The following FGF12 variants were observed in gnomAD, a reference collection of about 807,000 sequenced individuals.
FGF12 encodes fibroblast growth factor 12B.
In FGF12, 14 loss-of-function variants were observed where a neutral mutation model predicts 23.6. The observed-to-expected ratio is 0.59, with a 90% CI of 0.39 to 0.93. FGF12 has a LOEUF of 0.93. Ranked by LOEUF, FGF12 falls within the 40% of genes least tolerant of loss-of-function variation. The pLI is 0.00. For synonymous variants in FGF12, 62 were observed against 77.3 expected (o/e 0.80, Z 1.04); for missense variants, 175 against 217.8 (o/e 0.80, Z 1.24).
chr3:192,524,755 A>G (rs940981869), intron 2 of FGF12, among the ~76,000 whole-genome samples: 8 of 152,180 alleles, frequency 5.3e-5, no homozygotes, highest in African/African-American at 1.7e-4. Context: ...TTATTTTTCT[A>G]TCCTCTCTTT....
At chr3:192,664,131 G>C (rs907811944) in intron 2 of FGF12, among the ~76,000 whole-genome samples, 1 of 152,176 alleles carries the variant, frequency 6.6e-6, no homozygotes, top group Non-Finnish European at 1.5e-5. Context: ...AAGCAATGTG[G>C]TCCTCGTTGT....
At chr3:192,379,528 A>G (rs1311575763) in intron 2 of FGF12, among the ~76,000 whole-genome samples, 1 of 152,228 alleles carries the variant, frequency 6.6e-6, no homozygotes, top group Non-Finnish European at 1.5e-5. Context: ...GGACACTAAA[A>G]GAGCTCTCAA....
chr3:192,264,594 T>G (rs552143097), intron 4 of FGF12, among the ~76,000 whole-genome samples: 6 of 152,212 alleles, frequency 3.9e-5, no homozygotes, highest in African/African-American at 1.4e-4. Context: ...AAGTAGCTAT[T>G]ATTACCCCCA....
chr3:192,334,585 C>G (rs562233130), intron 4 of FGF12, among the ~76,000 whole-genome samples: 3 of 152,150 alleles, frequency 2.0e-5, no homozygotes, highest in Non-Finnish European at 4.4e-5. Context: ...AAATTATTAT[C>G]CTGAGAGTGA....
intron 4 of FGF12, among the ~76,000 whole-genome samples, chr3:192,316,964 G>C (rs1716257835): frequency 6.6e-6 from 1 of 152,144 alleles, no homozygotes; most frequent in African/African-American, 2.4e-5. Flanking sequence ...CTAGCTCCCA[G>C]ATGAAATTTT....
At chr3:192,556,845 G>A (rs989023603) in intron 2 of FGF12, among the ~76,000 whole-genome samples, 1 of 152,060 alleles carries the variant, frequency 6.6e-6, no homozygotes, top group Non-Finnish European at 1.5e-5. Flanking sequence ...ATTATACGAA[G>A]TATCTTTTCC....
At chr3:192,198,412 C>T (rs1215853589) in intron 4 of FGF12, among the ~76,000 whole-genome samples, 1 of 151,978 alleles carries the variant, frequency 6.6e-6, no homozygotes, top group African/African-American at 2.4e-5. Flanking sequence ...AGCATAAAAA[C>T]CACTGAGCAA....
chr3:192,628,758 T>A (rs76540386), intron 2 of FGF12, among the ~76,000 whole-genome samples: 5,791 of 150,402 alleles, frequency 0.039, 230 homozygotes, highest in East Asian at 0.12. Flanking sequence ...AATATATACT[T>A]TTTACTATAA....
chr3:192,241,488 C>A (rs904241835), intron 4 of FGF12, among the ~76,000 whole-genome samples: 4 of 152,010 alleles, frequency 2.6e-5, no homozygotes, highest in African/African-American at 9.7e-5. Flanking sequence ...TAAAGAAAAA[C>A]AAACATACTA....
At chr3:192,205,547 A>C (rs1412709797) in intron 4 of FGF12, among the ~76,000 whole-genome samples, 1 of 152,216 alleles carries the variant, frequency 6.6e-6, no homozygotes, top group Non-Finnish European at 1.5e-5. Context: ...ATAAAACTTA[A>C]GTGCCCAGCA....
chr3:192,684,777 T>C (rs948923746), intron 2 of FGF12, among the ~76,000 whole-genome samples: 1 of 152,216 alleles, frequency 6.6e-6, no homozygotes, highest in Non-Finnish European at 1.5e-5. Context: ...TCTTTATCCA[T>C]TCAATATTTT....
intron 2 of FGF12, among the ~76,000 whole-genome samples, chr3:192,532,745 T>C (rs1026761490): frequency 3.9e-5 from 6 of 152,218 alleles, no homozygotes; most frequent in African/African-American, 1.4e-4. Flanking sequence ...TTCTGGAATT[T>C]GCCTTCAGGT....
At chr3:192,192,356 T>C (rs1371702234) in intron 4 of FGF12, among the ~76,000 whole-genome samples, 1 of 150,706 alleles carries the variant, frequency 6.6e-6, no homozygotes, top group Non-Finnish European at 1.5e-5. Flanking sequence ...TCAAATTATA[T>C]ATACACATTT....
intron 4 of FGF12, among the ~76,000 whole-genome samples, chr3:192,301,810 A>G (rs1715362683): frequency 6.6e-6 from 1 of 152,070 alleles, no homozygotes; most frequent in Non-Finnish European, 1.5e-5. Flanking sequence ...AGAAGAAAAG[A>G]GAGTATGGGA....
At chr3:192,719,030 T>C (rs139172963) in intron 2 of FGF12, among the ~76,000 whole-genome samples, 210 of 152,040 alleles carry the variant, frequency 1.4e-3, no homozygotes, top group Non-Finnish European at 2.3e-3. Context: ...CTGAGGTTCA[T>C]CCATGGAATA....
intron 4 of FGF12, among the ~76,000 whole-genome samples, chr3:192,306,512 G>A (rs1050411727): frequency 6.6e-6 from 1 of 152,120 alleles, no homozygotes; most frequent in African/African-American, 2.4e-5. Context: ...CAGAGTTTTG[G>A]GAGGCTGAGG....
intron 4 of FGF12, among the ~76,000 whole-genome samples, chr3:192,262,979 A>G (rs949725315): frequency 1.3e-4 from 20 of 152,156 alleles, no homozygotes; most frequent in African/African-American, 4.3e-4. Flanking sequence ...AAGGCATAAT[A>G]CCTCAAAATT....
intron 4 of FGF12, among the ~76,000 whole-genome samples, chr3:192,224,255 G>A (rs1403129063): frequency 1.3e-5 from 2 of 152,120 alleles, no homozygotes; most frequent in East Asian, 3.9e-4. Context: ...TGGTGATGAT[G>A]ATGATGATAA....
At chr3:192,398,941 C>T (rs921737354) in intron 2 of FGF12, among the ~76,000 whole-genome samples, 2 of 152,078 alleles carry the variant, frequency 1.3e-5, no homozygotes, top group Non-Finnish European at 2.9e-5. Context: ...ATTGATTTAA[C>T]AGCAACTGAA....
Sources: allele counts gnomAD v4.1 joint callset (sites outside exome capture counted in the v4.1 genomes callset), GRCh38; gene constraint gnomAD v4.1.1; transcripts MANE v1.5; gene names NCBI Gene and HGNC (gene_info 2026-07-23, HGNC 2026-07-21).